Variants in OLA1 observed in about 807,000 individuals in gnomAD.
OLA1 encodes the protein obg-like ATPase 1.
A neutral mutation model predicts 48.4 loss-of-function variants in OLA1; 14 were observed. The ratio of observed to expected loss-of-function variants is 0.29; its 90% CI spans 0.19 to 0.45. OLA1 has a LOEUF of 0.45. Ranked by LOEUF, OLA1 falls within the 20% of genes least tolerant of loss-of-function variation. The pLI is 1.00. For missense variants in OLA1, 325 were observed against 467.1 expected (o/e 0.70, Z 2.80); for synonymous variants, 127 against 150.4 (o/e 0.84, Z 1.14).
intron 4 of OLA1, among the ~76,000 whole-genome samples, chr2:174,147,512 T>C (rs1686637268): frequency 6.6e-6 from 1 of 152,208 alleles, no homozygotes; most frequent in South Asian, 2.1e-4. Context: ...TAAGAACCTA[T>C]CTTTTGTAAA....
intron 4 of OLA1, among the ~76,000 whole-genome samples, chr2:174,195,043 C>T (rs180861578): frequency 2.0e-5 from 3 of 152,020 alleles, no homozygotes. Flanking sequence ...GTTAAACATC[C>T]TATCTGAATC....
At chr2:174,135,881 T>TA (rs1286059925) in intron 5 of OLA1, among the ~76,000 whole-genome samples, 2 of 152,206 alleles carry the variant, frequency 1.3e-5, no homozygotes, top group African/African-American at 4.8e-5. Flanking sequence ...CAAGTAAAAG[T>TA]AAGTGCAATA....
chr2:174,125,347 A>C (rs1259625063), intron 5 of OLA1, among the ~76,000 whole-genome samples: 1 of 152,170 alleles, frequency 6.6e-6, no homozygotes, highest in Non-Finnish European at 1.5e-5. Flanking sequence ...CTAGGGGGAG[A>C]GAGTCCTCTT....
chr2:174,182,052 A>T (rs1687556191), intron 4 of OLA1, among the ~76,000 whole-genome samples: 1 of 152,182 alleles, frequency 6.6e-6, no homozygotes, highest in Non-Finnish European at 1.5e-5. Context: ...TTTCTCAATA[A>T]AATAAGGAAC....
At chr2:174,114,941 G>GCAA (rs1685745928) in intron 7 of OLA1, among the ~76,000 whole-genome samples, 1 of 152,048 alleles carries the variant, frequency 6.6e-6, no homozygotes, top group African/African-American at 2.4e-5. Flanking sequence ...ACCAGCCTGG[G>GCAA]CAACATGGGA....
chr2:174,168,062 T>C (rs945269857), intron 4 of OLA1, among the ~76,000 whole-genome samples: 2 of 152,232 alleles, frequency 1.3e-5, no homozygotes, highest in Non-Finnish European at 2.9e-5. Flanking sequence ...AGGGGAATTA[T>C]ATGAAGGAAA....
chr2:174,076,907 G>A (rs1241212518), intron 10 of OLA1, among the ~76,000 whole-genome samples: 1 of 151,686 alleles, frequency 6.6e-6, no homozygotes, highest in East Asian at 1.9e-4. Context: ...AGAATCTATA[G>A]CCCACTGTTA....
At chr2:174,076,567 A>C (rs1490300414) in intron 10 of OLA1, among the ~76,000 whole-genome samples, 1 of 152,180 alleles carries the variant, frequency 6.6e-6, no homozygotes, top group African/African-American at 2.4e-5. Flanking sequence ...AAACACTAAT[A>C]AAGATCATAC....
At chr2:174,085,051 T>C (rs1199803900) in intron 7 of OLA1, among the ~76,000 whole-genome samples, 1 of 152,200 alleles carries the variant, frequency 6.6e-6, no homozygotes, top group Non-Finnish European at 1.5e-5. Context: ...TCCTTCCTCA[T>C]AAGCAGCCAA....
intron 5 of OLA1, 108 bp from the exon 6 acceptor site, chr2:174,123,783 A>G (rs1465300830): frequency 4.3e-6 from 2 of 468,048 alleles, no homozygotes; most frequent in African/African-American, 4.0e-5. Context: ...TGTTTTAATG[A>G]AAGGGGGCTA....
chr2:174,121,895 A>T (rs1413797192), intron 7 of OLA1, among the ~76,000 whole-genome samples: 1 of 152,216 alleles, frequency 6.6e-6, no homozygotes, highest in Non-Finnish European at 1.5e-5. Context: ...CTTTTCATGT[A>T]AACTTTGATG....
chr2:174,172,084 A>T (rs915860502), intron 4 of OLA1: 3 of 212,658 alleles, frequency 1.4e-5, no homozygotes, highest in African/African-American at 7.0e-5. Context: ...CAGGAATGAC[A>T]CCAAGTGAGA....
At chr2:174,156,578 C>CT (rs5836451) in intron 4 of OLA1, among the ~76,000 whole-genome samples, 5,800 of 74,006 alleles carry the variant, frequency 0.078, 622 homozygotes, top group East Asian at 0.57. Flanking sequence ...CTCCCACACT[C>CT]TTTTTTTTTT....
At chr2:174,220,060 A>G (rs1317910744) in intron 4 of OLA1, among the ~76,000 whole-genome samples, 4 of 152,180 alleles carry the variant, frequency 2.6e-5, no homozygotes, top group Admixed American at 2.0e-4. Context: ...AGAACCTGGG[A>G]GGTGGAGGTT....
chr2:174,100,318 A>C (rs1014205885), intron 7 of OLA1, among the ~76,000 whole-genome samples: 4 of 152,226 alleles, frequency 2.6e-5, no homozygotes, highest in African/African-American at 9.6e-5. Flanking sequence ...CCTTGTCTTC[A>C]CAGAGATGAC....
chr2:174,164,066 G>T (rs13419788), intron 4 of OLA1, among the ~76,000 whole-genome samples: 1 of 151,720 alleles, frequency 6.6e-6, no homozygotes, highest in African/African-American at 2.4e-5. Flanking sequence ...AGATGTGATG[G>T]TTTTATAAGG....
At chr2:174,185,800 T>C (rs777868134) in intron 4 of OLA1, among the ~76,000 whole-genome samples, 10 of 152,052 alleles carry the variant, frequency 6.6e-5, no homozygotes, top group Non-Finnish European at 1.3e-4. Flanking sequence ...TGGTAGCACG[T>C]GCCTGTAGTC....
At chr2:174,130,015 G>C (rs1686141811) in intron 5 of OLA1, among the ~76,000 whole-genome samples, 1 of 152,068 alleles carries the variant, frequency 6.6e-6, no homozygotes, top group African/African-American at 2.4e-5. Flanking sequence ...CAAGAATTAG[G>C]GCAAGGCTTC....
At chr2:174,185,254 C>CA (rs1266006270) in intron 4 of OLA1, among the ~76,000 whole-genome samples, 1 of 152,138 alleles carries the variant, frequency 6.6e-6, no homozygotes, top group African/African-American at 2.4e-5. Context: ...TATCACATAC[C>CA]AATTCCTTTC....
Sources: allele counts gnomAD v4.1 joint callset (sites outside exome capture counted in the v4.1 genomes callset), GRCh38; gene constraint gnomAD v4.1.1; transcripts MANE v1.5; gene names NCBI Gene and HGNC (gene_info 2026-07-23, HGNC 2026-07-21).